Variants in LNPEP observed in about 807,000 individuals in gnomAD.
LNPEP encodes the protein leucyl-cystinyl aminopeptidase.
Under a neutral mutation model 120.6 loss-of-function variants are expected in LNPEP, and 64 were observed. The observed-to-expected ratio is 0.53, with a 90% CI of 0.43 to 0.65. The LOEUF (loss-of-function observed/expected upper bound fraction) is 0.65. Among genes scored for constraint, LNPEP ranks in the 30% least tolerant of loss-of-function variants. LNPEP has a pLI of 0.00. For synonymous variants in LNPEP, 435 were observed against 425.4 expected, an observed-to-expected ratio of 1.02 and a Z score of -0.28; for missense variants, 1,057 against 1,200.0, an observed-to-expected ratio of 0.88 and a Z score of 1.76.
At chr5:96,942,740 G>A (rs1292315812) in intron 1 of LNPEP, among the ~76,000 whole-genome samples, 1 of 122,624 alleles carries the variant, frequency 8.2e-6, no homozygotes, top group African/African-American at 3.0e-5. Context: ...CGGGGGAGGG[G>A]GGAGGGATAG....
Position 97,026,638 on chromosome 5 carries a change from T to A in LNPEP, c.2745T>A (p.Asn915Lys). 1 of 1,613,322 alleles carries A rather than the reference T, an allele frequency of 6.2e-7. No homozygotes were observed. The highest frequency in any genetic ancestry group is 2.2e-5 in the East Asian group (1 of 44,860). ...KLYWLMKSSLNGDNFRTQKLS... is the reference protein window; with the variant it reads ...KLYWLMKSSLKGDNFRTQKLS... Reference sequence around the variant, plus strand: ...TCAGGTTAATGAAAAGTAGCCTGAATGGAGATAACTTCCGAACACAGAAGC... The same window carrying A: ...TCAGGTTAATGAAAAGTAGCCTGAAAGGAGATAACTTCCGAACACAGAAGC... The change falls in exon 16 of 18, where the codon AAT becomes AAA. Residue 915 changes from asparagine to lysine, a missense_variant. Asn to Lys is a moderately conservative substitution (Grantham distance 94). Coordinates refer to ENST00000231368, the MANE Select transcript of LNPEP (RefSeq NM_005575.3).
intron 1 of LNPEP, among the ~76,000 whole-genome samples, chr5:96,975,477 T>C (rs2112600693): frequency 6.6e-6 from 1 of 152,244 alleles, no homozygotes; most frequent in East Asian, 1.9e-4. Context: ...TGACTTGTAA[T>C]CATACCCTCC....
intron 11 of LNPEP, 67 bp from the exon 12 acceptor site, chr5:97,013,581 C>T: frequency 6.0e-6 from 5 of 830,386 alleles, no homozygotes; most frequent in Non-Finnish European, 8.8e-6. Context: ...AAACAAAGCA[C>T]TCATAATTTT....
At chr5:96,995,177 A>G (rs1369308448) in intron 6 of LNPEP, among the ~76,000 whole-genome samples, 1 of 152,150 alleles carries the variant, frequency 6.6e-6, no homozygotes, top group Non-Finnish European at 1.5e-5. Flanking sequence ...TTCTGAAGCC[A>G]CCCATCACCA....
intron 4 of LNPEP, among the ~76,000 whole-genome samples, chr5:96,988,339 C>CTTTTTTTTTTTTTTTTTTTTTTTTT: frequency 8.0e-6 from 1 of 125,202 alleles, no homozygotes; most frequent in Non-Finnish European, 1.6e-5. Flanking sequence ...TTTTTCTTTT[C>CTTTTTTTTTTTTTTTTTTTTTTTTT]TTTTTTTTTT....
chr5:96,936,095 C>G lies in LNPEP; in HGVS notation c.-61C>G. ...GGGCATGCTCAGTCAGCTGGGCCGCCTCAGCTCTCGGAGTAGGAAGCTCGG... is the reference window on the plus strand; with the variant it reads ...GGGCATGCTCAGTCAGCTGGGCCGCGTCAGCTCTCGGAGTAGGAAGCTCGG... On this transcript the variant is annotated 5_prime_UTR_variant, in exon 1 of 18. Coordinates refer to ENST00000231368, the MANE Select transcript of LNPEP (RefSeq NM_005575.3). 1 of 1,513,412 alleles carries G rather than the reference C, an allele frequency of 6.6e-7. No individual in the cohort carries two copies. Among genetic ancestry groups the G allele is most frequent in the Non-Finnish European group, 8.8e-7 (1 of 1,130,262 alleles). The allele number at this position is 1,513,412 out of a possible 1,614,324, so 93.7% of individuals were successfully genotyped here.
intron 1 of LNPEP, among the ~76,000 whole-genome samples, chr5:96,946,260 T>C (rs981624168): frequency 6.6e-6 from 1 of 152,194 alleles, no homozygotes; most frequent in Non-Finnish European, 1.5e-5. Context: ...AAGAAATGCA[T>C]TGCTCTTTAA....
Position 96,956,830 on chromosome 5 carries a change from T to C in LNPEP, c.19+20656T>C, listed in dbSNP as rs185997541. ...GAGGCGCTGTTTATTTTTTCCTCAA[T>C]CTTTCTTTTCTCTGTGTTCCTCAAA... is the stretch of plus-strand genomic sequence containing the variant. On this transcript the variant is annotated intron_variant, in intron 1 of 17. Transcript: ENST00000231368. Among the ~76,000 whole-genome samples, 3 of 152,338 alleles carry C rather than the reference T, an allele frequency of 2.0e-5. No individual in the cohort carries two copies. The East Asian group carries it at 5.8e-4, about 29-fold the overall frequency.
At position 97,006,146 on chromosome 5, in the gene LNPEP, C is replaced by T. The variant is rs1172463433; in HGVS notation, c.1859C>T (p.Thr620Ile). The change falls in exon 10 of 18, where the codon ACT becomes ATT. Residue 620 changes from threonine (T) to isoleucine (I), a missense_variant. Thr to Ile is a moderately conservative substitution (Grantham distance 89). Transcript: ENST00000231368. Reference protein sequence around the residue: ...WTLQKGFPLVTVQKKGKELFI... With the variant: ...WTLQKGFPLVIVQKKGKELFI... ...CTGCAGAAAGGATTTCCTTTAGTGA[C>T]TGTTCAAAAGAAAGGAAAGGAACTT... 1.3e-6 allele frequency: 2 copies of T among 1,596,876 alleles called. No individual in the cohort carries two copies. The highest frequency in any genetic ancestry group is 4.5e-5 in the East Asian group (2 of 44,330).
intron 3 of LNPEP, 22 bp downstream of exon 3, chr5:96,985,240 G>A (rs750726466): frequency 4.8e-5 from 75 of 1,577,684 alleles, no homozygotes; most frequent in Non-Finnish European, 6.5e-5. Context: ...TTCCTTGAAT[G>A]TAAAAATCTT....
chr5:97,013,047 T>C (rs1790978174), intron 11 of LNPEP, among the ~76,000 whole-genome samples: 2 of 152,158 alleles, frequency 1.3e-5, no homozygotes, highest in Non-Finnish European at 2.9e-5. Flanking sequence ...CCCTGCTGCC[T>C]CATCCTACAC....
chr5:96,954,749 C>CACACACATATATAT (rs1554066390), intron 1 of LNPEP, among the ~76,000 whole-genome samples: 1 of 24,214 alleles, frequency 4.1e-5, no homozygotes, highest in African/African-American at 1.9e-4. Context: ...TATATATACA[C>CACACACATATATAT]ATATATATAT....
At chr5:97,007,507 T>C (rs1790814797) in intron 11 of LNPEP, among the ~76,000 whole-genome samples, 1 of 152,208 alleles carries the variant, frequency 6.6e-6, no homozygotes, top group African/African-American at 2.4e-5. Context: ...TGTATTAATG[T>C]TAACTATCAT....
At chr5:96,961,806 G>T (rs552274167) in intron 1 of LNPEP, among the ~76,000 whole-genome samples, 3 of 151,854 alleles carry the variant, frequency 2.0e-5, no homozygotes, top group Non-Finnish European at 4.4e-5. Flanking sequence ...TATTATTTTT[G>T]ATTTTTTCAA....
chr5:97,032,063 T>TA lies in LNPEP; in HGVS notation c.*3531dup, dbSNP rs1234072940. On this transcript the variant is annotated 3_prime_UTR_variant, in exon 18 of 18. Transcript: ENST00000231368. ...TTCATGGGGCTTCAGGGAAGGCAAA[T>TA]ACATCTGAGATGAGCCACCTCCAAG... The TA allele has an allele frequency of 3.3e-5, 5 of 152,120 alleles. No homozygotes were observed. Among genetic ancestry groups the TA allele is most frequent in the Admixed American group, 1.3e-4 (2 of 15,262 alleles). 9.4% of individuals were successfully genotyped at this position (152,120 alleles called of 1,614,324 possible). A position where few individuals can be genotyped will look rare whatever the true frequency, so the allele number is the denominator to read the frequency against.
chr5:97,020,056 C>T (rs1791155115), intron 13 of LNPEP, among the ~76,000 whole-genome samples: 1 of 152,184 alleles, frequency 6.6e-6, no homozygotes, highest in Admixed American at 6.5e-5. Flanking sequence ...TGTTTCATTG[C>T]TTTTGAAACA....
chr5:96,957,851 T>C (rs767746259), intron 1 of LNPEP, among the ~76,000 whole-genome samples: 2 of 152,236 alleles, frequency 1.3e-5, no homozygotes, highest in East Asian at 1.9e-4. Flanking sequence ...TAGAAACTAA[T>C]AGACTTTGCT....
chr5:96,940,698 A>C (rs1325684669), intron 1 of LNPEP, among the ~76,000 whole-genome samples: 1 of 152,224 alleles, frequency 6.6e-6, no homozygotes, highest in Non-Finnish European at 1.5e-5. Flanking sequence ...CCTGTCTATG[A>C]AAACATTAGG....
chr5:97,004,092 T>C (rs1028287332), intron 9 of LNPEP, among the ~76,000 whole-genome samples: 3 of 152,240 alleles, frequency 2.0e-5, no homozygotes, highest in African/African-American at 4.8e-5. Context: ...AGTGTAATTA[T>C]GTAGAAGTTA....
Sources: gnomAD v4.1 joint callset for allele counts (sites outside exome capture counted in the v4.1 genomes callset) on GRCh38, gnomAD v4.1.1 for gene constraint, MANE v1.5 for transcripts, NCBI Gene and HGNC (gene_info 2026-07-23, HGNC 2026-07-21) for gene names.